The following GALNS variants were observed in gnomAD, a reference collection of about 807,000 sequenced individuals.
GALNS encodes galactosamine (N-acetyl)-6-sulfatase, also known as N-acetylgalactosamine-6-sulfatase.
A neutral mutation model predicts 65.9 loss-of-function variants in GALNS; 65 were observed. The observed-to-expected ratio is 0.99, with a 90% CI of 0.81 to 1.21. The LOEUF is 1.21. Ranked by LOEUF, GALNS falls within the 50% of genes most tolerant of loss-of-function variation. GALNS has a pLI of 0.00. For missense variants in GALNS, 776 were observed against 700.7 expected, an observed-to-expected ratio of 1.11 and a Z score of -1.21; for synonymous variants, 346 against 288.9, an observed-to-expected ratio of 1.20 and a Z score of -2.00.
intron 1 of GALNS, chr16:88,844,360 T>C (rs1223573721): frequency 6.6e-6 from 1 of 152,172 alleles, no homozygotes; most frequent in Non-Finnish European, 1.5e-5. Context: ...AAAGTGCTTT[T>C]AAACAGGCAG....
chr16:88,848,157 G>C (rs1967337186), intron 1 of GALNS, among the ~76,000 whole-genome samples: 1 of 152,204 alleles, frequency 6.6e-6, no homozygotes, highest in African/African-American at 2.4e-5. Context: ...AGACAGAAAG[G>C]GGAGCGGGTC....
chr16:88,847,513 C>G (rs1159166117), intron 1 of GALNS, among the ~76,000 whole-genome samples: 1 of 152,218 alleles, frequency 6.6e-6, no homozygotes, highest in East Asian at 1.9e-4. Flanking sequence ...GAGGGCTGTG[C>G]CTGGAGGCCG....
At chr16:88,835,645 G>A (rs1476674079) in intron 7 of GALNS, 80 bp downstream of exon 7, 14 of 1,597,514 alleles carry the variant, frequency 8.8e-6, no homozygotes, top group Admixed American at 3.3e-5. Flanking sequence ...TAAATGCCAC[G>A]GTACTGAGTG....
intron 10 of GALNS, 152 bp downstream of exon 10, chr16:88,826,550 C>T (rs1032380699): frequency 1.1e-6 from 1 of 918,824 alleles, no homozygotes; most frequent in Non-Finnish European, 1.6e-6. Context: ...GTCCTCTCGT[C>T]TCAGGCACCC....
At chr16:88,837,033 C>A (rs879761428) in intron 5 of GALNS, among the ~76,000 whole-genome samples, 13 of 152,250 alleles carry the variant, frequency 8.5e-5, no homozygotes, top group Admixed American at 8.5e-4. Flanking sequence ...AAAGAGGCAG[C>A]AAGCTGGTGC....
chr16:88,831,242 G>T (rs570444832), intron 9 of GALNS, among the ~76,000 whole-genome samples: 1 of 150,640 alleles, frequency 6.6e-6, no homozygotes, highest in South Asian at 2.1e-4. Context: ...GGTGCGTGGG[G>T]AGGAGAGCGG....
intron 12 of GALNS, among the ~76,000 whole-genome samples, 178 bp downstream of exon 12, chr16:88,822,411 G>T (rs1241926817): frequency 6.6e-6 from 1 of 152,192 alleles, no homozygotes; most frequent in African/African-American, 2.4e-5. Flanking sequence ...GTGGGCAGCA[G>T]CAGGCACCCT....
chr16:88,834,307 C>G (rs115006408), intron 8 of GALNS, among the ~76,000 whole-genome samples: 1 of 137,444 alleles, frequency 7.3e-6, no homozygotes, highest in East Asian at 2.1e-4. Flanking sequence ...TGGTCTGGGA[C>G]GAGGCTGTAG....
chr16:88,841,226 CCTGGGGG>C, intron 3 of GALNS, 132 bp from the exon 4 acceptor site: 1 of 750,074 alleles, frequency 1.3e-6, no homozygotes, highest in Non-Finnish European at 2.4e-6. Flanking sequence ...AAAGGCTGTG[CCTGGGGG>C]CTGCGCGTCC....
In GALNS at chr16:88,835,749, A is replaced by G. The variant is rs140025634; in HGVS notation, c.734T>C (p.Phe245Ser). The G allele has an allele frequency of 6.2e-7, 1 of 1,614,098 alleles. No homozygotes were observed. Among genetic ancestry groups the G allele is most frequent in the Non-Finnish European group, 8.5e-7 (1 of 1,180,022 alleles). ...THAPVYASKP[F>S]LGTSQRGRYG... is the part of the protein sequence containing the mutation. ...CCGCCCTCGCTGACTGGTGCCCAAG[A>G]AGGGTTTGGAGGCATAGACGGGTGC... Residue 245 changes from phenylalanine (F) to serine (S), a missense_variant, in exon 7 of 14, where the codon TTC (phenylalanine) becomes TCC (serine). Transcript: ENST00000268695.
Position 88,837,758 on chromosome 16 carries a change from C to A in GALNS, c.430G>T (p.Gly144Cys). ...AGGGGGTGGAACTGGGGCCTGTGAC[C>A]CAGATGCCTGGAAACAGGAACCCAG... ...VSKIVGKWHLGHRPQFHPLKH... is the reference protein window; with the variant it reads ...VSKIVGKWHLCHRPQFHPLKH... The change falls in exon 5 of 14, where the codon GGT (glycine) becomes TGT (cysteine). Residue 144 changes from glycine to cysteine, a missense_variant. By Grantham distance (159) the Gly-to-Cys change is radical (BLOSUM62 -3). Coordinates refer to ENST00000268695, the MANE Select transcript of GALNS (RefSeq NM_000512.5). 6.2e-7 allele frequency: 1 copy of A among 1,613,954 alleles called. No homozygotes were observed. Among genetic ancestry groups the A allele is most frequent in the Non-Finnish European group, 8.5e-7 (1 of 1,180,010 alleles).
chr16:88,842,686 C>T lies in GALNS; in HGVS notation c.244+20G>A, dbSNP rs373227121. 2.0e-5 allele frequency: 33 copies of T among 1,611,154 alleles called. No homozygotes were observed. The highest frequency in any genetic ancestry group is 2.7e-5 in the Non-Finnish European group (32 of 1,179,258). On this transcript the variant is annotated intron_variant, in intron 2 of 13. Coordinates refer to ENST00000268695, the MANE Select transcript of GALNS (RefSeq NM_000512.5). ...TGTTGGGCTCACCCCTTCCTGGGGG[C>T]GAGGGCCCCGCTGACTTACATGGCG...
chr16:88,830,307 G>A (rs567515451), intron 9 of GALNS, among the ~76,000 whole-genome samples: 16 of 151,946 alleles, frequency 1.1e-4, no homozygotes, highest in Middle Eastern at 3.4e-3. Flanking sequence ...TGGCTTTGAC[G>A]GTGGAGGGGC....
chr16:88,842,567 A>G (rs2143005375), intron 2 of GALNS, 139 bp downstream of exon 2: 1 of 1,078,528 alleles, frequency 9.3e-7, no homozygotes, highest in East Asian at 2.6e-5. Flanking sequence ...GAAAGGCCTG[A>G]GCCCACCTGC....
At chr16:88,833,409 C>T (rs1911721981) in intron 8 of GALNS, among the ~76,000 whole-genome samples, 1 of 143,512 alleles carries the variant, frequency 7.0e-6, no homozygotes, top group Non-Finnish European at 1.5e-5. Flanking sequence ...TGCTGTGCTT[C>T]TTCTCCTTCC....
chr16:88,817,037 A>G, intron 13 of GALNS: 1 of 985,412 alleles, frequency 1.0e-6, no homozygotes, highest in Non-Finnish European at 1.2e-6. Context: ...TTTGCCGACT[A>G]GAGCGAGGGC....
chr16:88,842,204 C>T lies in GALNS; in HGVS notation c.245-233G>A, dbSNP rs923175541. On this transcript the variant is annotated intron_variant, in intron 2 of 13. Transcript: ENST00000268695. Reference sequence around the variant, plus strand: ...TTGGGCCCTGCAGCTCAGCGTTGTCCCCAAGACCCCGCCTCCTTTCGCAGG... The same window carrying T: ...TTGGGCCCTGCAGCTCAGCGTTGTCTCCAAGACCCCGCCTCCTTTCGCAGG... 11 of 624,836 alleles carry T rather than the reference C, an allele frequency of 1.8e-5. No homozygotes were observed. In the African/African-American group the frequency reaches 1.8e-4, roughly 10 times the overall value. 38.7% of individuals were successfully genotyped at this position (624,836 alleles called of 1,614,324 possible).
At chr16:88,850,450 G>A (rs1353572884) in intron 1 of GALNS, among the ~76,000 whole-genome samples, 1 of 152,210 alleles carries the variant, frequency 6.6e-6, no homozygotes, top group Non-Finnish European at 1.5e-5. Flanking sequence ...AGCGGAAAAT[G>A]CTGTAAAGGG....
chr16:88,822,446 C>G, intron 12 of GALNS, 143 bp downstream of exon 12: 1 of 1,108,730 alleles, frequency 9.0e-7, no homozygotes. Context: ...CCACCAAGCA[C>G]GTGTGGGTAT....
Sources: gnomAD v4.1 joint callset for allele counts (sites outside exome capture counted in the v4.1 genomes callset) on GRCh38, gnomAD v4.1.1 for gene constraint, MANE v1.5 for transcripts, NCBI Gene and HGNC (gene_info 2026-07-23, HGNC 2026-07-21) for gene names.